The following ELAVL2 variants were observed in gnomAD, a reference collection of about 807,000 sequenced individuals.
ELAVL2 encodes the protein ELAV-like protein 2.
A neutral mutation model predicts 34.6 loss-of-function variants in ELAVL2; 4 were observed. The observed-to-expected ratio is 0.12, with a 90% CI of 0.06 to 0.26. The LOEUF (loss-of-function observed/expected upper bound fraction) is 0.26. Ranked by LOEUF, ELAVL2 falls within the 10% of genes least tolerant of loss-of-function variation. The pLI is 1.00. For synonymous variants in ELAVL2, 193 were observed against 154.8 expected (o/e 1.25, Z -1.83); for missense variants, 432 against 442.8 (o/e 0.98, Z 0.22).
intron 3 of ELAVL2, among the ~76,000 whole-genome samples, chr9:23,721,336 T>C (rs1027524922): frequency 6.6e-6 from 1 of 152,226 alleles, no homozygotes; most frequent in African/African-American, 2.4e-5. Context: ...TCTAGGAATA[T>C]GAATATGGTT....
chr9:23,804,109 A>C (rs1177574537), intron 1 of ELAVL2, among the ~76,000 whole-genome samples: 1 of 152,168 alleles, frequency 6.6e-6, no homozygotes, highest in Non-Finnish European at 1.5e-5. Flanking sequence ...CAAATTAAAA[A>C]ATATATATTT....
chr9:23,712,172 G>A (rs1332247565), intron 3 of ELAVL2, among the ~76,000 whole-genome samples: 1 of 152,132 alleles, frequency 6.6e-6, no homozygotes, highest in African/African-American at 2.4e-5. Flanking sequence ...TAGGAAGACT[G>A]AGGCACAGAA....
intron 4 of ELAVL2, among the ~76,000 whole-genome samples, chr9:23,703,865 C>A (rs2038361065): frequency 6.6e-6 from 1 of 152,136 alleles, no homozygotes; most frequent in Non-Finnish European, 1.5e-5. Context: ...AATATTTCCT[C>A]CTCACAATGT....
intron 5 of ELAVL2, among the ~76,000 whole-genome samples, chr9:23,696,678 G>C (rs1221413741): frequency 1.3e-5 from 2 of 151,944 alleles, no homozygotes. Flanking sequence ...TCACCATTTA[G>C]CCATGATGGT....
chr9:23,779,767 A>C (rs1029404493), intron 1 of ELAVL2, among the ~76,000 whole-genome samples: 8 of 151,938 alleles, frequency 5.3e-5, no homozygotes, highest in East Asian at 1.9e-4. Flanking sequence ...TGTGATTTCA[A>C]GCAGAGACCA....
At chr9:23,704,182 T>C (rs1287216779) in intron 4 of ELAVL2, among the ~76,000 whole-genome samples, 8 of 142,508 alleles carry the variant, frequency 5.6e-5, no homozygotes, top group Admixed American at 1.5e-4. Flanking sequence ...TCCGCCCTCC[T>C]TGGCCTCCCA....
At chr9:23,839,274 G>A in the ELAVL2 span, among the ~76,000 whole-genome samples, 2 of 150,994 alleles carry the variant, frequency 1.3e-5, no homozygotes, top group African/African-American at 2.4e-5. Flanking sequence ...TATGAATGAC[G>A]ACTGTTTTGA....
At chr9:23,826,424 A>T (rs1032149454), upstream of ELAVL2, 1 of 152,338 alleles carries the variant, frequency 6.6e-6, no homozygotes, top group Non-Finnish European at 1.5e-5. Context: ...ATTGGTCCAC[A>T]CGCTTCCATT....
chr9:23,716,048 C>A (rs1328291147), intron 3 of ELAVL2, among the ~76,000 whole-genome samples: 1 of 151,612 alleles, frequency 6.6e-6, no homozygotes, highest in African/African-American at 2.4e-5. Context: ...TCTCACATAA[C>A]GGGATACCTT....
intron 1 of ELAVL2, among the ~76,000 whole-genome samples, chr9:23,808,173 A>T (rs915407758): frequency 2.6e-5 from 4 of 152,156 alleles, no homozygotes; most frequent in Admixed American, 6.6e-5. Context: ...AAAATAAGGT[A>T]GCTAGGAAGG....
chr9:23,771,452 A>T (rs1210798942), intron 1 of ELAVL2, among the ~76,000 whole-genome samples: 1 of 151,952 alleles, frequency 6.6e-6, no homozygotes, highest in East Asian at 1.9e-4. Context: ...TATATATAGG[A>T]AACCCAACAT....
chr9:23,734,216 T>C (rs901092656), intron 2 of ELAVL2, among the ~76,000 whole-genome samples: 2 of 152,218 alleles, frequency 1.3e-5, no homozygotes, highest in Admixed American at 6.5e-5. Context: ...AAATCTGTAA[T>C]CAAGGCAGCA....
intron 1 of ELAVL2, among the ~76,000 whole-genome samples, chr9:23,808,958 A>G (rs530814740): frequency 6.6e-6 from 1 of 152,286 alleles, no homozygotes; most frequent in South Asian, 2.1e-4. Context: ...TCTTCGCCAA[A>G]TTTAAGGAAA....
At chr9:23,709,445 A>G (rs772796007) in intron 3 of ELAVL2, among the ~76,000 whole-genome samples, 8 of 146,138 alleles carry the variant, frequency 5.5e-5, no homozygotes, top group Non-Finnish European at 1.1e-4. Context: ...AACCTTCTCC[A>G]TTCCGATTTT....
At chr9:23,787,475 A>G (rs541147148) in intron 1 of ELAVL2, among the ~76,000 whole-genome samples, 1 of 151,958 alleles carries the variant, frequency 6.6e-6, no homozygotes, top group South Asian at 2.1e-4. Flanking sequence ...CAGGTGATCC[A>G]ACCGCCTCAG....
At chr9:23,767,433 T>C (rs1252459282) in intron 1 of ELAVL2, among the ~76,000 whole-genome samples, 1 of 152,160 alleles carries the variant, frequency 6.6e-6, no homozygotes, top group Non-Finnish European at 1.5e-5. Flanking sequence ...ATCAGCTTCT[T>C]CACTATTTTC....
At chr9:23,780,787 G>C (rs1002422934) in intron 1 of ELAVL2, among the ~76,000 whole-genome samples, 20 of 152,148 alleles carry the variant, frequency 1.3e-4, no homozygotes, top group African/African-American at 4.6e-4. Flanking sequence ...GGAGAGTTAA[G>C]ACATGGCCAG....
intron 1 of ELAVL2, among the ~76,000 whole-genome samples, chr9:23,804,724 C>T (rs927500742): frequency 6.6e-6 from 1 of 151,612 alleles, no homozygotes; most frequent in Non-Finnish European, 1.5e-5. Context: ...GCATAACCTA[C>T]ATTTTTAAAA....
chr9:23,777,127 T>C (rs1024025424), intron 1 of ELAVL2, among the ~76,000 whole-genome samples: 21 of 152,210 alleles, frequency 1.4e-4, no homozygotes, highest in Admixed American at 7.2e-4. Flanking sequence ...TAACTGTTGA[T>C]AAAACTTTCA....
Sources: allele counts gnomAD v4.1 joint callset (sites outside exome capture counted in the v4.1 genomes callset), GRCh38; gene constraint gnomAD v4.1.1; transcripts MANE v1.5; gene names NCBI Gene and HGNC (gene_info 2026-07-23, HGNC 2026-07-21).